ZC3H18: variants seen among roughly 807,000 people sequenced by gnomAD.
ZC3H18 encodes zinc finger CCCH domain-containing protein 18.
A neutral mutation model predicts 106.1 loss-of-function variants in ZC3H18; 8 were observed. That is an observed-to-expected ratio of 0.08 (90% CI 0.04 to 0.14). The LOEUF is 0.14. ZC3H18 is among the 10% of genes least tolerant of loss of function. ZC3H18 has a pLI of 1.00. For missense variants in ZC3H18, 1,318 were observed against 1,278.4 expected (o/e 1.03, Z -0.47); for synonymous variants, 635 against 522.1 (o/e 1.22, Z -2.95).
chr16:88,600,054 G>C, intron 6 of ZC3H18, 106 bp downstream of exon 6: 1 of 1,385,926 alleles, frequency 7.2e-7, no homozygotes, highest in South Asian at 1.4e-5. Flanking sequence ...CTGAGACCCA[G>C]CCCCACTCAC....
At chr16:88,602,624 C>G (rs1904805779) in intron 6 of ZC3H18, among the ~76,000 whole-genome samples, 1 of 152,204 alleles carries the variant, frequency 6.6e-6, no homozygotes, top group African/African-American at 2.4e-5. Flanking sequence ...GTAAGTAATT[C>G]CAGGGACACA....
At chr16:88,587,693 C>G (rs1915517090) in intron 3 of ZC3H18, 2 of 1,343,718 alleles carry the variant, frequency 1.5e-6, no homozygotes, top group Non-Finnish European at 2.1e-6. Context: ...TCTCCTGGAT[C>G]CAGAACACAG....
At chr16:88,609,167 T>C in intron 7 of ZC3H18, 116 bp downstream of exon 7, 1 of 726,256 alleles carries the variant, frequency 1.4e-6, no homozygotes. Flanking sequence ...GCCAGCACAA[T>C]GTACCAATTT....
intron 2 of ZC3H18, among the ~76,000 whole-genome samples, chr16:88,580,683 T>A (rs1335884900): frequency 2.0e-5 from 3 of 152,248 alleles, no homozygotes; most frequent in Admixed American, 1.3e-4. Context: ...CTGCTCCCTG[T>A]CTCTAGCTGG....
intron 8 of ZC3H18, among the ~76,000 whole-genome samples, chr16:88,618,323 A>T (rs1033191303): frequency 6.6e-6 from 1 of 152,200 alleles, no homozygotes; most frequent in East Asian, 1.9e-4. Context: ...CTCACAGAAC[A>T]AGCCAGGAGA....
Position 88,627,651 on chromosome 16 carries a change from T to A in ZC3H18, c.2138T>A (p.Val713Glu). The change falls in exon 14 of 18, where the codon GTG (valine) becomes GAG (glutamate). Residue 713 changes from valine (V) to glutamate (E), a missense_variant. Coordinates refer to ENST00000301011, the MANE Select transcript of ZC3H18 (RefSeq NM_144604.4). This position sits in a 1 kb window ranked among gnomAD's most constrained non-coding sequence, Gnocchi z 4.5. The part of the protein sequence containing the change: ...RSLSVSSVSS[V>E]SSATSSSSSA... ...CTGAGCGTGAGCAGCGTCTCCTCAG[T>A]GTCCAGTGCTACGTCGAGCAGCAGC... 1 of 1,609,136 alleles carries A rather than the reference T, an allele frequency of 6.2e-7. No individual in the cohort carries two copies.
chr16:88,596,364 G>A (rs968444247), intron 3 of ZC3H18, among the ~76,000 whole-genome samples: 27 of 152,118 alleles, frequency 1.8e-4, no homozygotes, highest in African/African-American at 5.8e-4. Flanking sequence ...TACAGAGGCC[G>A]AGTGTGGTGG....
intron 6 of ZC3H18, among the ~76,000 whole-genome samples, chr16:88,603,623 CTTTTT>C (rs59222261): frequency 2.3e-5 from 3 of 132,572 alleles, no homozygotes; most frequent in African/African-American, 5.5e-5. Flanking sequence ...GACTCCGTCT[CTTTTT>C]TTTTTTTTTT....
chr16:88,587,657 C>G (rs1915514629), intron 3 of ZC3H18: 1 of 1,493,626 alleles, frequency 6.7e-7, no homozygotes, highest in Admixed American at 2.0e-5. Context: ...CCTTAAAGTC[C>G]CCCTACTCCA....
At chr16:88,571,200 A>T (rs182537537) in intron 1 of ZC3H18, among the ~76,000 whole-genome samples, 35 of 152,328 alleles carry the variant, frequency 2.3e-4, no homozygotes, top group Non-Finnish European at 4.7e-4. Context: ...CTCCTGCCAA[A>T]CATTTTTCCT....
In ZC3H18 at chr16:88,577,591, G is replaced by T. The variant is rs780333803; in HGVS notation, c.468G>T (p.Glu156Asp). 7.4e-6 allele frequency: 12 copies of T among 1,613,290 alleles called. No homozygotes were observed. The highest frequency in any genetic ancestry group is 2.2e-5 in the South Asian group (2 of 91,070). ...EAEKAGAEDDEEKGEGTPREE... is the reference protein window; with the variant it reads ...EAEKAGAEDDDEKGEGTPREE... ...AGAAAGCGGGGGCTGAGGATGATGA[G>T]GAGAAAGGCGAAGGCACTCCCAGGG... The change falls in exon 2 of 18, where the codon GAG (glutamate) becomes GAT (aspartate). Residue 156 changes from glutamate to aspartate, a missense_variant. By Grantham distance (45) the Glu-to-Asp change is conservative. Around this residue, in one of 6 missense-constraint regions of ZC3H18, gnomAD observed 346 missense variants for 269.0 expected, o/e 1.29. Transcript: ENST00000301011.
At chr16:88,586,136 A>T (rs1203769958) in intron 2 of ZC3H18, among the ~76,000 whole-genome samples, 1 of 152,178 alleles carries the variant, frequency 6.6e-6, no homozygotes, top group African/African-American at 2.4e-5. Context: ...GATGAGCCTC[A>T]AGGCGGGCCA....
At chr16:88,578,849 G>GCCCA (rs1914932250) in intron 2 of ZC3H18, among the ~76,000 whole-genome samples, 1 of 152,136 alleles carries the variant, frequency 6.6e-6, no homozygotes, top group Non-Finnish European at 1.5e-5. Context: ...CGCCACCACT[G>GCCCA]GCTAATTTTT....
At chr16:88,602,614 G>A (rs759299355) in intron 6 of ZC3H18, among the ~76,000 whole-genome samples, 1 of 152,236 alleles carries the variant, frequency 6.6e-6, no homozygotes, top group Admixed American at 6.5e-5. Flanking sequence ...ACCATTGATT[G>A]TAAGTAATTC....
chr16:88,611,321 G>T lies in ZC3H18; in HGVS notation c.1260G>T (p.Glu420Asp). The part of the protein sequence containing the change: ...RENRQRERER[E>D]RERDRERERR... Reference sequence around the variant, plus strand: ...ACAGACAGCGCGAGCGCGAGCGGGAGCGGGAGCGGGACCGAGAGCGGGAGC... The same window carrying T: ...ACAGACAGCGCGAGCGCGAGCGGGATCGGGAGCGGGACCGAGAGCGGGAGC... Residue 420 changes from glutamate (E) to aspartate (D), a missense_variant, in exon 8 of 18, where the codon GAG becomes GAT. Coordinates refer to ENST00000301011, the MANE Select transcript of ZC3H18 (RefSeq NM_144604.4). The T allele has an allele frequency of 2.6e-6, 2 of 758,554 alleles. No homozygotes were observed. The highest frequency in any genetic ancestry group is 2.6e-5 in the East Asian group (1 of 38,070). 47.0% of individuals were successfully genotyped at this position (758,554 alleles called of 1,614,324 possible).
Position 88,608,970 on chromosome 16 carries a change from A to C in ZC3H18, c.1125A>C (p.Glu375Asp), listed in dbSNP as rs1159116971. 3 of 1,613,892 alleles carry C rather than the reference A, an allele frequency of 1.9e-6. No individual in the cohort carries two copies. In the Admixed American group the frequency reaches 5.0e-5, roughly 27 times the overall value. Reference protein sequence around the residue: ...EPYADPYYDYEIERFWRGGQY... With the variant: ...EPYADPYYDYDIERFWRGGQY... ...ACGCAGACCCTTATTATGACTATGA[A>C]ATTGAGCGGTTTTGGCGTGGCGGAC... is the stretch of plus-strand genomic sequence containing the variant. Residue 375 changes from glutamate (E) to aspartate (D), a missense_variant, in exon 7 of 18, where the codon GAA becomes GAC. By Grantham distance (45) the Glu-to-Asp change is conservative. Around this residue, in one of 6 missense-constraint regions of ZC3H18, gnomAD observed 848 missense variants for 821.7 expected, o/e 1.03. Coordinates refer to ENST00000301011, the MANE Select transcript of ZC3H18 (RefSeq NM_144604.4).
chr16:88,604,586 T>C (rs1177869829), intron 6 of ZC3H18, among the ~76,000 whole-genome samples: 1 of 151,376 alleles, frequency 6.6e-6, no homozygotes, highest in Non-Finnish European at 1.5e-5. Context: ...CTCGGGAGGC[T>C]GAGGCAGGAG....
intron 3 of ZC3H18, among the ~76,000 whole-genome samples, chr16:88,597,510 TTCAC>T (rs1290639712): frequency 6.6e-6 from 1 of 152,242 alleles, no homozygotes; most frequent in African/African-American, 2.4e-5. Flanking sequence ...AAAAAAGTGA[TTCAC>T]TCAGTAATTG....
At chr16:88,613,859 A>C (rs1448544765) in intron 8 of ZC3H18, among the ~76,000 whole-genome samples, 2 of 152,174 alleles carry the variant, frequency 1.3e-5, no homozygotes, top group Non-Finnish European at 2.9e-5. Flanking sequence ...TTCTCTTCTA[A>C]GAGTTTCATA....
Sources: allele counts gnomAD v4.1 joint callset (sites outside exome capture counted in the v4.1 genomes callset), GRCh38; gene constraint gnomAD v4.1.1; regional missense constraint gnomAD v4.1.1; non-coding constraint Gnocchi (gnomAD v3.1); transcripts MANE v1.5; gene names NCBI Gene and HGNC (gene_info 2026-07-23, HGNC 2026-07-21).